SVOPL: variants seen among roughly 807,000 people sequenced by gnomAD.
The protein encoded by SVOPL is putative transporter SVOPL.
A neutral mutation model predicts 61.0 loss-of-function variants in SVOPL; 60 were observed. The observed-to-expected ratio is 0.98, with a 90% confidence interval of 0.80 to 1.22. The LOEUF (loss-of-function observed/expected upper bound fraction) is 1.22. Among genes scored for constraint, SVOPL ranks in the 50% most tolerant of loss-of-function variants. The pLI, the probability that SVOPL is intolerant of heterozygous loss-of-function variation, is 0.00. For synonymous variants in SVOPL, 279 were observed against 250.0 expected (o/e 1.12, Z -1.09); for missense variants, 662 against 643.9 (o/e 1.03, Z -0.30).
chr7:138,613,514 A>T (rs1472535022), intron 14 of SVOPL, among the ~76,000 whole-genome samples: 1 of 151,816 alleles, frequency 6.6e-6, no homozygotes, highest in Non-Finnish European at 1.5e-5. Flanking sequence ...TGTCTGTCCC[A>T]CCTCGAGGCC....
At chr7:138,679,296 G>C (rs1802650584) in intron 1 of SVOPL, among the ~76,000 whole-genome samples, 1 of 151,978 alleles carries the variant, frequency 6.6e-6, no homozygotes. Context: ...TTGAGATGGA[G>C]TCTCGCTCTG....
intron 14 of SVOPL, among the ~76,000 whole-genome samples, chr7:138,613,472 C>T (rs1563089222): frequency 6.6e-6 from 1 of 152,178 alleles, no homozygotes; most frequent in Non-Finnish European, 1.5e-5. Flanking sequence ...TTTGGCTCAC[C>T]ATGGCTATTT....
intron 1 of SVOPL, among the ~76,000 whole-genome samples, chr7:138,684,222 G>T (rs1802757433): frequency 6.6e-6 from 1 of 150,420 alleles, no homozygotes; most frequent in African/African-American, 2.5e-5. Context: ...AAAACTAGCA[G>T]GGCACGATGG....
At chr7:138,608,157 A>G (rs1002299262) in intron 14 of SVOPL, among the ~76,000 whole-genome samples, 17 of 152,270 alleles carry the variant, frequency 1.1e-4, no homozygotes, top group African/African-American at 3.9e-4. Flanking sequence ...TCTTGGATAC[A>G]TAGACAACGC....
Position 138,641,849 on chromosome 7 carries a change from C to CAT in SVOPL, c.789+2866_789+2867dup, listed in dbSNP as rs1020381988. On this transcript the variant is annotated intron_variant, in intron 9 of 15. Coordinates refer to ENST00000674285, the MANE Select transcript of SVOPL (RefSeq NM_001139456.2). ...ATATATATATAACATATATATATAA[C>CAT]ATATATATAGTCAATGAGTGTGTAT... Among the ~76,000 whole-genome samples the CAT allele has an allele frequency of 3.2e-5, 4 of 124,322 alleles. No individual in the cohort carries two copies. In the South Asian group the frequency reaches 1.1e-3, roughly 33 times the overall value. 81.6% of individuals were successfully genotyped at this position (124,322 alleles called of 152,430 possible). A position where few individuals can be genotyped will look rare whatever the true frequency, so the allele number is the denominator to read the frequency against.
At chr7:138,649,541 C>A (rs1289696086) in intron 7 of SVOPL, among the ~76,000 whole-genome samples, 1 of 152,142 alleles carries the variant, frequency 6.6e-6, no homozygotes, top group Admixed American at 6.5e-5. Flanking sequence ...AAATGATCCA[C>A]CCACGTTAGC....
At chr7:138,630,156 GC>G in intron 9 of SVOPL, 34 bp from the exon 10 acceptor site, 1 of 1,523,198 alleles carries the variant, frequency 6.6e-7, no homozygotes, top group East Asian at 2.3e-5. Context: ...AACATACTCA[GC>G]AGCTTAAGGA....
In SVOPL at chr7:138,679,062, G is replaced by C. The variant is rs781441252; in HGVS notation, c.-17C>G. On this transcript the variant is annotated 5_prime_UTR_variant, in exon 2 of 16. Transcript: ENST00000674285. The stretch of plus-strand genomic sequence containing the variant: ...GGTTGCCATCTTCTAAATAGCTCAA[G>C]TTCCCCAAACAGCTTCCCTGGTGGA... The C allele has an allele frequency of 1.3e-6, 2 of 1,549,970 alleles. No homozygotes were observed. The highest frequency in any genetic ancestry group is 1.2e-5 in the South Asian group (1 of 83,980).
intron 1 of SVOPL, chr7:138,689,194 A>C (rs1381006402): frequency 3.5e-5 from 45 of 1,269,406 alleles, no homozygotes; most frequent in Non-Finnish European, 5.0e-5. Context: ...AGGTGTGCCC[A>C]GGCCAAGCAG....
At chr7:138,686,562 GTTT>G (rs979219572) in intron 1 of SVOPL, among the ~76,000 whole-genome samples, 2 of 66,932 alleles carry the variant, frequency 3.0e-5, no homozygotes, top group Non-Finnish European at 5.6e-5. Context: ...TGTTTTTTGG[GTTT>G]TTTTTTTTTT....
chr7:138,602,308 A>C (rs1459816336), intron 14 of SVOPL, among the ~76,000 whole-genome samples: 1 of 152,196 alleles, frequency 6.6e-6, no homozygotes, highest in Admixed American at 6.5e-5. Flanking sequence ...AAATGCAAAC[A>C]ATGTATTCAT....
chr7:138,691,236 C>T (rs144124227), intron 1 of SVOPL, among the ~76,000 whole-genome samples: 25 of 152,156 alleles, frequency 1.6e-4, no homozygotes, highest in African/African-American at 6.0e-4. Flanking sequence ...AGGAATAAAA[C>T]GATTCAGTTT....
At chr7:138,697,083 G>A (rs746443724) in intron 1 of SVOPL, among the ~76,000 whole-genome samples, 2 of 152,116 alleles carry the variant, frequency 1.3e-5, no homozygotes, top group South Asian at 2.1e-4. Context: ...TTTTAAAACT[G>A]TTACAGGCTG....
chr7:138,662,972 G>T, intron 5 of SVOPL, 102 bp downstream of exon 5: 1 of 1,567,498 alleles, frequency 6.4e-7, no homozygotes, highest in Non-Finnish European at 8.6e-7. Context: ...TCTATCTTGG[G>T]TATTGGGAGG....
At chr7:138,623,493 A>G (rs575142168) in intron 13 of SVOPL, among the ~76,000 whole-genome samples, 3 of 151,976 alleles carry the variant, frequency 2.0e-5, no homozygotes, top group African/African-American at 7.2e-5. Flanking sequence ...CCAGCTACTC[A>G]GGAGGCTGAG....
At chr7:138,674,843 G>A (rs1461213327) in intron 3 of SVOPL, among the ~76,000 whole-genome samples, 6 of 139,490 alleles carry the variant, frequency 4.3e-5, no homozygotes, top group Non-Finnish European at 9.2e-5. Flanking sequence ...GCAACGGAGT[G>A]AGACTCCATC....
chr7:138,627,359 C>T lies in SVOPL; in HGVS notation c.1172G>A (p.Cys391Tyr). Reference sequence around the variant, plus strand: ...ATTAAACAGAAAATACCTTGAAGTGCAAATGTTGAGGAGAAGGAAGAATAA... The same window carrying T: ...ATTAAACAGAAAATACCTTGAAGTGTAAATGTTGAGGAGAAGGAAGAATAA... ...TALFFLLLNICTSSAGLIGFL... is the reference protein window; with the variant it reads ...TALFFLLLNIYTSSAGLIGFL... The change falls in exon 12 of 16, where the codon TGC becomes TAC. Residue 391 changes from cysteine to tyrosine, a missense_variant. By Grantham distance (194) the Cys-to-Tyr change is radical. Coordinates refer to ENST00000674285, the MANE Select transcript of SVOPL (RefSeq NM_001139456.2). The T allele has an allele frequency of 6.2e-7, 1 of 1,612,248 alleles. No individual in the cohort carries two copies. The highest frequency in any genetic ancestry group is 8.5e-7 in the Non-Finnish European group (1 of 1,178,442).
chr7:138,626,441 T>C (rs926784935), intron 12 of SVOPL, among the ~76,000 whole-genome samples: 1 of 152,100 alleles, frequency 6.6e-6, no homozygotes, highest in African/African-American at 2.4e-5. Flanking sequence ...TACCCAGCCT[T>C]GGGTGCAGTG....
intron 3 of SVOPL, among the ~76,000 whole-genome samples, chr7:138,676,599 A>G (rs77231422): frequency 0.026 from 3,896 of 152,280 alleles, 170 homozygotes; most frequent in African/African-American, 0.09. Flanking sequence ...GAAGGGACAC[A>G]TTCAAACCCT....
Sources: allele counts gnomAD v4.1 joint callset (sites outside exome capture counted in the v4.1 genomes callset), GRCh38; gene constraint gnomAD v4.1.1; transcripts MANE v1.5; gene names NCBI Gene and HGNC (gene_info 2026-07-23, HGNC 2026-07-21).